TEPSIN: variants seen among roughly 807,000 people sequenced by gnomAD.
The protein encoded by TEPSIN is TEPSIN adaptor related protein complex 4 accessory protein.
A neutral mutation model predicts 48.5 loss-of-function variants in TEPSIN; 50 were observed. That is an observed-to-expected ratio of 1.03 (90% CI 0.82 to 1.31). The LOEUF (loss-of-function observed/expected upper bound fraction) is 1.31. Ranked by LOEUF, TEPSIN falls within the 50% of genes most tolerant of loss-of-function variation. The probability of loss-of-function intolerance (pLI) is 0.00; values close to 1 mark genes in which losing one functional copy is unlikely to be tolerated. For missense variants in TEPSIN, 838 were observed against 815.9 expected (o/e 1.03, Z -0.33); for synonymous variants, 392 against 358.8 (o/e 1.09, Z -1.05).
At position 81,234,251 on chromosome 17, in the gene TEPSIN, A is replaced by C. The variant is rs527615259; in HGVS notation, c.308-203T>G. The C allele has an allele frequency of 4.3e-4, 195 of 450,750 alleles. 2 individuals are homozygous for C. In the Middle Eastern group the frequency reaches 6.7e-3, roughly 15 times the overall value. The allele number at this position is 450,750 out of a possible 1,614,324, so 27.9% of individuals were successfully genotyped here. The stretch of plus-strand genomic sequence containing the variant: ...CTCAGCTCCCCCTCACCCATGCCCC[A>C]CAGAGGCGAGACTCTCTCCACAGCA... On this transcript the variant is annotated intron_variant, in intron 4 of 12. Coordinates refer to ENST00000637944, the MANE Select transcript of TEPSIN (RefSeq NM_001363764.2). This position sits in a 1 kb window ranked among gnomAD's most constrained non-coding sequence, Gnocchi z 5.4.
At chr17:81,231,359 GCACA>G (rs751107162) in intron 11 of TEPSIN, 35 bp downstream of exon 11, 9 of 1,503,844 alleles carry the variant, frequency 6.0e-6, no homozygotes, top group South Asian at 2.6e-5. Flanking sequence ...ACAGGCACAT[GCACA>G]CAGTCACGCC....
chr17:81,238,494 G>T, intron 1 of TEPSIN: 1 of 563,048 alleles, frequency 1.8e-6, no homozygotes, highest in Non-Finnish European at 2.3e-6. Flanking sequence ...TTCTCAGAGG[G>T]TTTACTAAGA....
Position 81,233,843 on chromosome 17 carries a change from C to A in TEPSIN, c.376-127G>T. The A allele has an allele frequency of 7.3e-7, 1 of 1,363,800 alleles. No individual in the cohort carries two copies. The highest frequency in any genetic ancestry group is 1.4e-5 in the South Asian group (1 of 70,542). 84.5% of individuals were successfully genotyped at this position (1,363,800 alleles called of 1,614,324 possible). On this transcript the variant is annotated intron_variant, in intron 5 of 12. Transcript: ENST00000637944. This position sits in a 1 kb window ranked among gnomAD's most constrained non-coding sequence, Gnocchi z 5.8. ...TGAGCCACTCAGCTGGACACAGGCT[C>A]TGTGTCCACCAGCAAGGAGCAGAGG...
At position 81,233,116 on chromosome 17, in the gene TEPSIN, C is replaced by T. The variant is rs2062651774; in HGVS notation, c.526+316G>A. 2.1e-6 allele frequency: 1 copy of T among 478,220 alleles called. No individual in the cohort carries two copies. Among genetic ancestry groups the T allele is most frequent in the Non-Finnish European group, 3.7e-6 (1 of 267,738 alleles). 29.6% of individuals were successfully genotyped at this position (478,220 alleles called of 1,614,324 possible). A position where few individuals can be genotyped will look rare whatever the true frequency, so the allele number is the denominator to read the frequency against. ...GCTCCACACGGGACTGCCTGAGTCA[C>T]CTGCACCACAGCCAGGGGCACAGCC... On this transcript the variant is annotated intron_variant, in intron 7 of 12. Coordinates refer to ENST00000637944, the MANE Select transcript of TEPSIN (RefSeq NM_001363764.2). This position sits in a 1 kb window ranked among gnomAD's most constrained non-coding sequence, Gnocchi z 5.8.
Position 81,231,908 on chromosome 17 carries a change from T to C in TEPSIN, c.844A>G (p.Ser282Gly). Reference protein sequence around the residue: ...SDLSRVSDSGSHSGSDSHSGA... With the variant: ...SDLSRVSDSGGHSGSDSHSGA... ...GAATGGCTGTCGCTGCCGGAATGAC[T>C]GCCCGAGTCCGAGACCCTGCTCAGG... The change falls in exon 9 of 13, where the codon AGT (serine) becomes GGT (glycine). Residue 282 changes from serine to glycine, a missense_variant. Physicochemically the swap from Ser to Gly is moderately conservative, Grantham distance 56 (BLOSUM62 0). Coordinates refer to ENST00000637944, the MANE Select transcript of TEPSIN (RefSeq NM_001363764.2). 1 of 1,613,678 alleles carries C rather than the reference T, an allele frequency of 6.2e-7. No homozygotes were observed. Among genetic ancestry groups the C allele is most frequent in the Non-Finnish European group, 8.5e-7 (1 of 1,179,988 alleles).
intron 4 of TEPSIN, among the ~76,000 whole-genome samples, chr17:81,235,861 T>C (rs2062711386): frequency 6.6e-6 from 1 of 152,186 alleles, no homozygotes; most frequent in Admixed American, 6.5e-5. Flanking sequence ...CACTGGCCCC[T>C]GCGGAACACC....
Position 81,232,526 on chromosome 17 carries a change from C to T in TEPSIN, c.527-8G>A, listed in dbSNP as rs773849581. On this transcript the variant is annotated splice_region_variant and splice_polypyrimidine_tract_variant and intron_variant, in intron 7 of 12. Transcript: ENST00000637944. ...AGGCTTCGCCTGCCGAGCCTGTACC[C>T]GAGGAGAGGGAGATGGGACGGCCGC... 9.8e-6 allele frequency: 15 copies of T among 1,527,894 alleles called. 1 individual carries two copies. The highest frequency in any genetic ancestry group is 2.2e-4 in the Middle Eastern group (1 of 4,570). 94.6% of individuals were successfully genotyped at this position (1,527,894 alleles called of 1,614,324 possible). A position where few individuals can be genotyped will look rare whatever the true frequency, so the allele number is the denominator to read the frequency against.
At chr17:81,236,595 G>C in intron 4 of TEPSIN, 113 bp downstream of exon 4, 1 of 1,113,276 alleles carries the variant, frequency 9.0e-7, no homozygotes, top group African/African-American at 1.6e-5. Flanking sequence ...ATCGGGACCC[G>C]GCCCAGGTGA....
chr17:81,233,497 C>G lies in TEPSIN; in HGVS notation c.461G>C (p.Gly154Ala). The change falls in exon 7 of 13, where the codon GGC (glycine) becomes GCC (alanine). Residue 154 changes from glycine (G) to alanine (A), a missense_variant. Gly to Ala is a moderately conservative substitution (Grantham distance 60, BLOSUM62 0). Transcript: ENST00000637944. This position sits in a 1 kb window ranked among gnomAD's most constrained non-coding sequence, Gnocchi z 5.8. ...PLGTPPATGM[G>A]SQARPHSTLQ... ...GGTGCTGTGCGGCCTGGCCTGGGAG[C>G]CCATGCCTGCAGAGGGTCCTCCGTT... 6.2e-7 allele frequency: 1 copy of G among 1,600,628 alleles called. No homozygotes were observed. Among genetic ancestry groups the G allele is most frequent in the Non-Finnish European group, 8.5e-7 (1 of 1,173,106 alleles).
intron 1 of TEPSIN, chr17:81,238,028 G>A (rs550673017): frequency 4.0e-6 from 4 of 993,458 alleles, no homozygotes; most frequent in Middle Eastern, 5.2e-4. Context: ...GGTTTATAGG[G>A]ATGAAAACTG....
At chr17:81,231,247 A>G (rs1254359363) in intron 11 of TEPSIN, 151 bp downstream of exon 11, 6 of 773,152 alleles carry the variant, frequency 7.8e-6, no homozygotes, top group South Asian at 1.8e-5. Flanking sequence ...CCACACGCAC[A>G]CACACAGGCA....
Position 81,230,367 on chromosome 17 carries a change from G to C in TEPSIN, c.1233+177C>G, listed in dbSNP as rs2062565879. The C allele has an allele frequency of 1.4e-5, 11 of 784,386 alleles. No individual in the cohort carries two copies. Among genetic ancestry groups the C allele is most frequent in the Non-Finnish European group, 2.0e-5 (10 of 506,310 alleles). 48.6% of individuals were successfully genotyped at this position (784,386 alleles called of 1,614,324 possible). A position where few individuals can be genotyped will look rare whatever the true frequency, so the allele number is the denominator to read the frequency against. On this transcript the variant is annotated intron_variant, in intron 12 of 12. Transcript: ENST00000637944. The surrounding 1 kb of genome is among the most constrained non-coding windows in gnomAD (Gnocchi z 4.2). ...TTTGGGTGGAAGGCGGGAAGGCAAT[G>C]GGGAGGTGAGGACCCTGACTTGCTG... is the stretch of plus-strand genomic sequence containing the variant.
intron 7 of TEPSIN, chr17:81,232,784 T>C (rs1485494014): frequency 4.4e-6 from 2 of 453,824 alleles, no homozygotes; most frequent in African/African-American, 2.0e-5. Flanking sequence ...GGGGTGAAGG[T>C]GTCCTAAGGG....
rs372994113 is a variant in TEPSIN, at chr17:81,233,431, C to T, written c.526+1G>A. ...AGCCCATGCAGGCCCTCCCCACTCA[C>T]CCGTGCGGCCGTGTTCCTTGCTGTA... On this transcript the variant is annotated splice_donor_variant, in intron 7 of 12. Transcript: ENST00000637944. LOFTEE classifies it high-confidence loss of function. The surrounding 1 kb of genome is among the most constrained non-coding windows in gnomAD (Gnocchi z 5.8). 1 of 1,610,600 alleles carries T rather than the reference C, an allele frequency of 6.2e-7. No individual in the cohort carries two copies. Among genetic ancestry groups the T allele is most frequent in the Non-Finnish European group, 8.5e-7 (1 of 1,179,518 alleles).
intron 4 of TEPSIN, among the ~76,000 whole-genome samples, chr17:81,235,140 C>T (rs934678322): frequency 3.9e-5 from 6 of 152,200 alleles, no homozygotes; most frequent in African/African-American, 7.2e-5. Flanking sequence ...ATAAACTTCT[C>T]CACACACATA....
chr17:81,235,944 G>A (rs757433637), intron 4 of TEPSIN, among the ~76,000 whole-genome samples: 3 of 152,216 alleles, frequency 2.0e-5, no homozygotes, highest in Non-Finnish European at 4.4e-5. Flanking sequence ...TGAGCCCAGT[G>A]GATGGTACAC....
In TEPSIN at chr17:81,228,822, G is replaced by T; in HGVS notation, c.*106C>A. On this transcript the variant is annotated 3_prime_UTR_variant, in exon 13 of 13. Transcript: ENST00000637944. ...GGTAGCCCTAGGGTCGTCCTCTCAAGTCAAGCTGCCTGGAGACTGTAGCAG... is the reference window on the plus strand; with the variant it reads ...GGTAGCCCTAGGGTCGTCCTCTCAATTCAAGCTGCCTGGAGACTGTAGCAG... 7.0e-7 allele frequency: 1 copy of T among 1,436,034 alleles called. No homozygotes were observed. The highest frequency in any genetic ancestry group is 9.5e-7 in the Non-Finnish European group (1 of 1,055,484). 89.0% of individuals were successfully genotyped at this position (1,436,034 alleles called of 1,614,324 possible).
rs1176562334 is a variant in TEPSIN at position 81,230,651 on chromosome 17, C to T, written c.1126G>A (p.Gly376Arg). 3.2e-6 allele frequency: 5 copies of T among 1,578,690 alleles called. No individual in the cohort carries two copies. In the Admixed American group the frequency reaches 8.9e-5, roughly 28 times the overall value. ...TCCTGGGGGAGGAGGTCGCTGCTCC[C>T]CAGGGAGGCGATGGCACACAGCGCC... Reference protein sequence around the residue: ...LRALCAIASLGSSDLLPQEHI... With the variant: ...LRALCAIASLRSSDLLPQEHI... Residue 376 changes from glycine to arginine, a missense_variant, in exon 12 of 13, where the codon GGG becomes AGG. Gly to Arg is a moderately radical substitution (Grantham distance 125). Transcript: ENST00000637944. The surrounding 1 kb of genome is among the most constrained non-coding windows in gnomAD (Gnocchi z 4.2).
rs773697113 is a variant in TEPSIN, at chr17:81,236,729, C to T, written c.286G>A (p.Ala96Thr). ...GTACCTGCAGCTTCCTGGATGAAGG[C>T]AGAGTTGCGTTTGAGGATGAGCAGG... Reference protein sequence around the residue: ...FFLLILKRNSAFIQEAAAFAG... With the variant: ...FFLLILKRNSTFIQEAAAFAG... Residue 96 changes from alanine (A) to threonine (T), a missense_variant, in exon 4 of 13, where the codon GCC becomes ACC. Ala to Thr is a moderately conservative substitution (Grantham distance 58). Transcript: ENST00000637944. 37 of 1,568,680 alleles carry T rather than the reference C, an allele frequency of 2.4e-5. No homozygotes were observed. In the Admixed American group the frequency reaches 3.4e-4, roughly 14 times the overall value.
Sources: gnomAD v4.1 joint callset for allele counts (sites outside exome capture counted in the v4.1 genomes callset) on GRCh38, gnomAD v4.1.1 for gene constraint, Gnocchi (gnomAD v3.1) non-coding constraint, MANE v1.5 for transcripts, NCBI Gene and HGNC (gene_info 2026-07-23, HGNC 2026-07-21) for gene names.